The following ERBB4 variants were observed in gnomAD, a reference collection of about 807,000 sequenced individuals.
ERBB4 encodes the protein receptor tyrosine-protein kinase erbB-4.
In ERBB4, 42 loss-of-function variants were observed where a neutral mutation model predicts 158.0. The observed-to-expected ratio is 0.27, with a 90% CI of 0.21 to 0.34. The LOEUF is 0.34. Ranked by LOEUF, ERBB4 falls within the 10% of genes least tolerant of loss-of-function variation. The pLI is 1.00. For synonymous variants in ERBB4, 583 were observed against 558.7 expected (o/e 1.04, Z -0.61); for missense variants, 1,333 against 1,624.1 (o/e 0.82, Z 3.08).
rs535525142 is a variant in ERBB4, at chr2:211,585,220, C to T, written c.2302-23132G>A. Among the ~76,000 whole-genome samples the T allele has an allele frequency of 8.0e-3, 1,223 of 152,026 alleles. 20 individuals carry two copies. The highest frequency in any genetic ancestry group is 0.028 in the African/African-American group (1,162 of 41,484). On this transcript the variant is annotated intron_variant, in intron 19 of 27. Coordinates refer to ENST00000342788, the MANE Select transcript of ERBB4 (RefSeq NM_005235.3). ...ACAAAAAATTAGCTGGGCGTGGCAGCGGGAGCCTGTAGTCCCAGCTACTCG... is the reference window on the plus strand; with the variant it reads ...ACAAAAAATTAGCTGGGCGTGGCAGTGGGAGCCTGTAGTCCCAGCTACTCG...
intron 2 of ERBB4, among the ~76,000 whole-genome samples, chr2:211,974,569 C>T (rs2081550010): frequency 6.6e-6 from 1 of 152,126 alleles, no homozygotes; most frequent in African/African-American, 2.4e-5. Context: ...ATCTCCAAGA[C>T]TCCTTCCAGT....
chr2:212,389,743 A>T (rs1161508217), intron 1 of ERBB4, among the ~76,000 whole-genome samples: 2 of 152,016 alleles, frequency 1.3e-5, no homozygotes, highest in African/African-American at 4.8e-5. Context: ...TGTACTTGGC[A>T]TTATATTAAA....
At chr2:212,324,302 C>T (rs1473587548) in intron 1 of ERBB4, among the ~76,000 whole-genome samples, 2 of 150,690 alleles carry the variant, frequency 1.3e-5, no homozygotes, top group African/African-American at 4.8e-5. Context: ...CTTGAAGTCT[C>T]AGTTCAGACA....
chr2:212,073,913 T>A (rs889055812), intron 2 of ERBB4, among the ~76,000 whole-genome samples: 9 of 151,954 alleles, frequency 5.9e-5, no homozygotes, highest in Non-Finnish European at 1.2e-4. Flanking sequence ...TAAGTTATAG[T>A]CTAGGGCAGC....
intron 2 of ERBB4, among the ~76,000 whole-genome samples, chr2:212,034,578 T>G (rs1336930499): frequency 4.6e-5 from 7 of 152,114 alleles, no homozygotes; most frequent in Non-Finnish European, 8.8e-5. Flanking sequence ...AAAATTATAG[T>G]CATGTATTTC....
intron 3 of ERBB4, among the ~76,000 whole-genome samples, chr2:211,930,449 C>T (rs922419954): frequency 1.3e-5 from 2 of 152,118 alleles, no homozygotes; most frequent in African/African-American, 4.8e-5. Context: ...CTTAAATTTT[C>T]ATGTTTGGAG....
intron 1 of ERBB4, among the ~76,000 whole-genome samples, chr2:212,188,217 T>C (rs1177082643): frequency 2.5e-4 from 8 of 32,010 alleles, no homozygotes; most frequent in Admixed American, 8.1e-4. Context: ...TCTCTCTCTC[T>C]CTCTCTCTCT....
chr2:212,353,660 A>C (rs905487131), intron 1 of ERBB4, among the ~76,000 whole-genome samples: 9 of 149,704 alleles, frequency 6.0e-5, no homozygotes, highest in African/African-American at 2.0e-4. Context: ...AAAAAGAGGA[A>C]AGAAATCTAC....
At chr2:212,414,056 C>G (rs2091580494) in intron 1 of ERBB4, among the ~76,000 whole-genome samples, 2 of 152,130 alleles carry the variant, frequency 1.3e-5, no homozygotes, top group Admixed American at 1.3e-4. Context: ...TTAAGTGGTA[C>G]ATATATAAAG....
At chr2:212,391,933 G>A (rs2090886780) in intron 1 of ERBB4, among the ~76,000 whole-genome samples, 1 of 150,630 alleles carries the variant, frequency 6.6e-6, no homozygotes, top group Non-Finnish European at 1.5e-5. Context: ...AATAAAATAA[G>A]CAATGCGAAA....
rs35461019 is a variant in ERBB4 at position 212,140,846 on chromosome 2, A to AGTGTGTGTGT, written c.83-15953_83-15944dup. Reference sequence around the variant, plus strand: ...CCACCTGAATAGACTAGGAAACATGAGTGTGTGTGTGTGTGTGTGTGTGTG... The same window carrying AGTGTGTGTGT: ...CCACCTGAATAGACTAGGAAACATGAGTGTGTGTGTGTGTGTGTGTGTGTGTGTGTGTGTG... On this transcript the variant is annotated intron_variant, in intron 1 of 27. Coordinates refer to ENST00000342788, the MANE Select transcript of ERBB4 (RefSeq NM_005235.3). Among the ~76,000 whole-genome samples the AGTGTGTGTGT allele has an allele frequency of 2.8e-3, 367 of 131,718 alleles. 2 individuals carry two copies. Among genetic ancestry groups the AGTGTGTGTGT allele is most frequent in the South Asian group, 8.0e-3 (32 of 3,978 alleles). The allele number at this position is 131,718 out of a possible 152,430, so 86.4% of individuals were successfully genotyped here.
At chr2:211,841,164 C>T (rs2077461286) in intron 3 of ERBB4, among the ~76,000 whole-genome samples, 1 of 151,908 alleles carries the variant, frequency 6.6e-6, no homozygotes, top group Admixed American at 6.6e-5. Context: ...AATCAAGAAT[C>T]TTATAATTTC....
intron 3 of ERBB4, among the ~76,000 whole-genome samples, chr2:211,912,479 C>A (rs2079564375): frequency 6.6e-6 from 1 of 151,906 alleles, no homozygotes; most frequent in African/African-American, 2.4e-5. Context: ...TCACTTTGTA[C>A]CTCATACTTT....
At chr2:211,580,890 T>C (rs866735461) in intron 19 of ERBB4, among the ~76,000 whole-genome samples, 6,000 of 13,250 alleles carry the variant, frequency 0.45, 1,741 homozygotes, top group African/African-American at 0.67. Flanking sequence ...TATATATATA[T>C]ATATATATAT....
intron 1 of ERBB4, among the ~76,000 whole-genome samples, chr2:212,208,636 T>A (rs2105920919): frequency 6.6e-6 from 1 of 152,168 alleles, no homozygotes; most frequent in African/African-American, 2.4e-5. Context: ...TGTTAATAGG[T>A]GGTTAGAGGC....
intron 2 of ERBB4, among the ~76,000 whole-genome samples, chr2:212,063,517 A>C (rs1315827882): frequency 6.6e-6 from 1 of 152,126 alleles, no homozygotes; most frequent in Non-Finnish European, 1.5e-5. Context: ...CCTAAAAAGC[A>C]AAACCATTTA....
At chr2:211,650,464 G>T (rs2070940990) in intron 16 of ERBB4, among the ~76,000 whole-genome samples, 1 of 151,984 alleles carries the variant, frequency 6.6e-6, no homozygotes, top group Non-Finnish European at 1.5e-5. Context: ...AGATCTGTGT[G>T]CACATATAAA....
chr2:212,413,267 C>T (rs1251372453), intron 1 of ERBB4, among the ~76,000 whole-genome samples: 1 of 151,004 alleles, frequency 6.6e-6, no homozygotes, highest in Non-Finnish European at 1.5e-5. Flanking sequence ...ATTACAGGCA[C>T]GAGCCACCCC....
At chr2:212,061,359 G>C (rs2077758097) in intron 2 of ERBB4, among the ~76,000 whole-genome samples, 1 of 148,716 alleles carries the variant, frequency 6.7e-6, no homozygotes, top group African/African-American at 2.5e-5. Flanking sequence ...AGCCTGAGAT[G>C]GGAGAATTGC....
Sources: gnomAD v4.1 joint callset for allele counts (sites outside exome capture counted in the v4.1 genomes callset) on GRCh38, gnomAD v4.1.1 for gene constraint, MANE v1.5 for transcripts, NCBI Gene and HGNC (gene_info 2026-07-23, HGNC 2026-07-21) for gene names.